Variants in RORA observed in about 807,000 individuals in gnomAD.
The protein encoded by RORA is RAR related orphan receptor A, also known as nuclear receptor ROR-alpha.
Under a neutral mutation model 69.5 loss-of-function variants are expected in RORA, and 7 were observed. That is an observed-to-expected ratio of 0.10 (90% CI 0.06 to 0.19). The LOEUF is 0.19. Among genes scored for constraint, RORA ranks in the 10% least tolerant of loss-of-function variants. The pLI is 1.00. For synonymous variants in RORA, 261 were observed against 240.8 expected (o/e 1.08, Z -0.78); for missense variants, 457 against 663.0 (o/e 0.69, Z 3.41).
At chr15:60,980,760 T>C (rs750183044) in intron 1 of RORA, among the ~76,000 whole-genome samples, 1 of 152,072 alleles carries the variant, frequency 6.6e-6, no homozygotes, top group Non-Finnish European at 1.5e-5. Context: ...TACTACTTTC[T>C]TTTATTTCTC....
intron 2 of RORA, among the ~76,000 whole-genome samples, chr15:60,661,209 T>C (rs947794602): frequency 3.3e-5 from 5 of 152,110 alleles, no homozygotes; most frequent in African/African-American, 9.7e-5. Context: ...GTACTAACTA[T>C]CAGCAAGTGT....
intron 1 of RORA, among the ~76,000 whole-genome samples, chr15:60,852,128 C>T (rs1467779424): frequency 1.3e-5 from 2 of 152,198 alleles, no homozygotes; most frequent in Admixed American, 1.3e-4. Flanking sequence ...CAGTGCAGGG[C>T]CTGTCCCTAT....
At chr15:60,672,249 C>A (rs927098205) in intron 2 of RORA, among the ~76,000 whole-genome samples, 1 of 152,030 alleles carries the variant, frequency 6.6e-6, no homozygotes, top group Non-Finnish European at 1.5e-5. Context: ...AAAAGGAAAC[C>A]TTGGTCAATT....
intron 1 of RORA, among the ~76,000 whole-genome samples, chr15:61,099,207 A>C (rs980402425): frequency 6.6e-6 from 1 of 152,212 alleles, no homozygotes; most frequent in African/African-American, 2.4e-5. Flanking sequence ...ACTGTTCATA[A>C]CTGACTGTTT....
rs2140939866 is a variant in RORA at position 61,213,850 on chromosome 15, C to T, written c.166+15203G>A. 1 of 152,270 alleles carries T rather than the reference C, an allele frequency of 6.6e-6. No individual in the cohort carries two copies. Among genetic ancestry groups the T allele is most frequent in the East Asian group, 1.9e-4 (1 of 5,182 alleles). 9.4% of individuals were successfully genotyped at this position (152,270 alleles called of 1,614,324 possible). A position where few individuals can be genotyped will look rare whatever the true frequency, so the allele number is the denominator to read the frequency against. ...AAGTGCACAAGAATATTTGATGGATCAATGCAAGGAGGCGATATATTCTAT... is the reference window on the plus strand; with the variant it reads ...AAGTGCACAAGAATATTTGATGGATTAATGCAAGGAGGCGATATATTCTAT... On this transcript the variant is annotated intron_variant, in intron 1 of 10. Coordinates refer to ENST00000335670, the MANE Select transcript of RORA (RefSeq NM_134261.3). This position sits in a 1 kb window ranked among gnomAD's most constrained non-coding sequence, Gnocchi z 4.1.
At chr15:60,970,059 G>T (rs970137045) in intron 1 of RORA, among the ~76,000 whole-genome samples, 14 of 152,164 alleles carry the variant, frequency 9.2e-5, no homozygotes, top group African/African-American at 3.4e-4. Context: ...GAGGTCCTGT[G>T]AGCACACAGC....
intron 1 of RORA, among the ~76,000 whole-genome samples, chr15:61,033,828 G>T (rs1446560369): frequency 6.6e-6 from 1 of 151,984 alleles, no homozygotes; most frequent in Non-Finnish European, 1.5e-5. Context: ...CGACTACTTG[G>T]GAGATTGAGG....
At chr15:61,052,252 T>C (rs1318700200) in intron 1 of RORA, among the ~76,000 whole-genome samples, 1 of 152,038 alleles carries the variant, frequency 6.6e-6, no homozygotes, top group Non-Finnish European at 1.5e-5. Context: ...TTAAGCCTTA[T>C]TAAGGTTGAG....
chr15:60,962,923 G>A (rs1211299275), intron 1 of RORA, among the ~76,000 whole-genome samples: 2 of 152,218 alleles, frequency 1.3e-5, no homozygotes, highest in South Asian at 2.1e-4. Context: ...CAACATGGAG[G>A]TGGTACCATT....
At position 61,044,627 on chromosome 15, in the gene RORA, T is replaced by C. The variant is rs1896938488; in HGVS notation, c.166+184426A>G. On this transcript the variant is annotated intron_variant, in intron 1 of 10. Transcript: ENST00000335670. Reference sequence around the variant, plus strand: ...AATTCCACCTTTTTCTTTTCAATTCTTAAAAAACATGGTCACACAAATATT... The same window carrying C: ...AATTCCACCTTTTTCTTTTCAATTCCTAAAAAACATGGTCACACAAATATT... Among the ~76,000 whole-genome samples, 4 of 152,262 alleles carry C rather than the reference T, an allele frequency of 2.6e-5. No homozygotes were observed. In the South Asian group the frequency reaches 8.3e-4, roughly 31 times the overall value.
intron 2 of RORA, chr15:60,614,984 G>A (rs1311185577): frequency 6.2e-7 from 1 of 1,614,024 alleles, no homozygotes. Flanking sequence ...ATGTGCTCAA[G>A]TTGAGACCAG....
chr15:60,806,847 A>C (rs770848379), intron 1 of RORA, among the ~76,000 whole-genome samples: 9 of 152,214 alleles, frequency 5.9e-5, no homozygotes, highest in Non-Finnish European at 1.2e-4. Context: ...CAAAGGAAGA[A>C]AATTGGGCCA....
Position 61,061,401 on chromosome 15 carries a change from A to ATACATAC in RORA, c.166+167651_166+167652insGTATGTA. 1.3e-5 allele frequency among the ~76,000 whole-genome samples: 2 copies of ATACATAC among 151,812 alleles called. No homozygotes were observed. On this transcript the variant is annotated intron_variant, in intron 1 of 10. Transcript: ENST00000335670. The surrounding 1 kb of genome is among the most constrained non-coding windows in gnomAD (Gnocchi z 4.4). ...AATAAATAAATAAATAAATAAATACAAGGGCATCGCAGGAAGTCCTGATGT... is the reference window on the plus strand; with the variant it reads ...AATAAATAAATAAATAAATAAATACATACATACAGGGCATCGCAGGAAGTCCTGATGT...
At chr15:61,158,401 C>A (rs1020973227) in intron 1 of RORA, among the ~76,000 whole-genome samples, 2 of 152,156 alleles carry the variant, frequency 1.3e-5, no homozygotes, top group Non-Finnish European at 2.9e-5. Flanking sequence ...GGGAAATCTG[C>A]AGCATTAATT....
intron 2 of RORA, among the ~76,000 whole-genome samples, chr15:60,629,133 C>G (rs1024161496): frequency 1.3e-5 from 2 of 150,242 alleles, no homozygotes; most frequent in Admixed American, 1.3e-4. Flanking sequence ...TCTCACAGCA[C>G]TCCGATTGTT....
chr15:60,926,134 G>A (rs968653154), intron 1 of RORA, among the ~76,000 whole-genome samples: 3 of 152,164 alleles, frequency 2.0e-5, no homozygotes, highest in African/African-American at 7.2e-5. Context: ...ATTCATGACA[G>A]GTATACATCT....
rs2079162376 is a variant in RORA, at chr15:61,128,531, TGATTACGTTA to T, written c.166+100512_166+100521del. On this transcript the variant is annotated intron_variant, in intron 1 of 10. Coordinates refer to ENST00000335670, the MANE Select transcript of RORA (RefSeq NM_134261.3). This position sits in a 1 kb window ranked among gnomAD's most constrained non-coding sequence, Gnocchi z 4.5. ...CATGAGCACAGACCTATGACGCTGT[TGATTACGTTA>T]GATAACTCAGGGATACGGGGAGAGA... 6.6e-6 allele frequency among the ~76,000 whole-genome samples: 1 copy of T among 152,130 alleles called. No homozygotes were observed. Among genetic ancestry groups the T allele is most frequent in the Non-Finnish European group, 1.5e-5 (1 of 68,016 alleles).
At position 61,061,577 on chromosome 15, in the gene RORA, A is replaced by C. The variant is rs1196046937; in HGVS notation, c.166+167476T>G. Among the ~76,000 whole-genome samples, 1 of 152,032 alleles carries C rather than the reference A, an allele frequency of 6.6e-6. No individual in the cohort carries two copies. The highest frequency in any genetic ancestry group is 2.4e-5 in the African/African-American group (1 of 41,382). ...CAGATTTTCAGTAACTTACGTACCA[A>C]CCTCTAAGCCCCTTTATGGTTGATT... On this transcript the variant is annotated intron_variant, in intron 1 of 10. Coordinates refer to ENST00000335670, the MANE Select transcript of RORA (RefSeq NM_134261.3). This position sits in a 1 kb window ranked among gnomAD's most constrained non-coding sequence, Gnocchi z 4.4.
chr15:60,816,062 ATATACTATAAACAGTATATG>A lies in RORA; in HGVS notation c.167-137396_167-137377del, dbSNP rs1463331550. Among the ~76,000 whole-genome samples the A allele has an allele frequency of 7.5e-4, 109 of 144,702 alleles. 4 individuals carry two copies. The highest frequency in any genetic ancestry group is 1.9e-3 in the African/African-American group (75 of 39,804). The allele number at this position is 144,702 out of a possible 152,430, so 94.9% of individuals were successfully genotyped here. On this transcript the variant is annotated intron_variant, in intron 1 of 10. Transcript: ENST00000335670. Reference sequence around the variant, plus strand: ...TATACTATAAAAACTATATGTATTTATATACTATAAACAGTATATGTATACTGTAAACAGTATATGTATTT... The same window carrying A: ...TATACTATAAAAACTATATGTATTTATATACTGTAAACAGTATATGTATTT...
Sources: allele counts gnomAD v4.1 joint callset (sites outside exome capture counted in the v4.1 genomes callset), GRCh38; gene constraint gnomAD v4.1.1; non-coding constraint Gnocchi (gnomAD v3.1); transcripts MANE v1.5; gene names NCBI Gene and HGNC (gene_info 2026-07-23, HGNC 2026-07-21).